HDAC9: variants seen among roughly 807,000 people sequenced by gnomAD.
The protein encoded by HDAC9 is MEF-2 interacting transcription repressor (MITR) protein.
In HDAC9, 41 loss-of-function variants were observed where a neutral mutation model predicts 139.4. That is an observed-to-expected ratio of 0.29 (90% CI 0.23 to 0.38). The LOEUF is 0.38. Among genes scored for constraint, HDAC9 ranks in the 10% least tolerant of loss-of-function variants. The probability of loss-of-function intolerance (pLI) is 1.00; values close to 1 mark genes in which losing one functional copy is unlikely to be tolerated. For missense variants in HDAC9, 1,147 were observed against 1,297.0 expected (o/e 0.88, Z 1.78); for synonymous variants, 517 against 476.2 (o/e 1.09, Z -1.12).
intron 24 of HDAC9, among the ~76,000 whole-genome samples, chr7:18,968,964 A>AAAAAAAG: frequency 6.9e-6 from 1 of 145,838 alleles, no homozygotes; most frequent in Non-Finnish European, 1.5e-5. Flanking sequence ...CTCTCAAAAA[A>AAAAAAAG]AAAAAAAAAA....
intron 11 of HDAC9, among the ~76,000 whole-genome samples, chr7:18,655,017 TCTC>T (rs1437466521): frequency 9.9e-5 from 15 of 152,170 alleles, no homozygotes; most frequent in African/African-American, 3.1e-4. Flanking sequence ...ACAAACATCT[TCTC>T]ACGGAAGTTC....
chr7:18,435,669 G>T (rs1791128247), intron 1 of HDAC9, among the ~76,000 whole-genome samples: 1 of 151,060 alleles, frequency 6.6e-6, no homozygotes, highest in South Asian at 2.1e-4. Flanking sequence ...TGGGGGTTTG[G>T]TGTACAGATT....
At position 18,138,729 on chromosome 7, in the gene HDAC9, G is replaced by C. The variant is rs1274002906; in HGVS notation, c.-96-23500G>C. On this transcript the variant is annotated intron_variant, in intron 1 of 12. Coordinates refer to the HDAC9 transcript ENST00000417496. Reference sequence around the variant, plus strand: ...TCTATTTCATTAAGAATCTAGGTTGGCAGGGAAATGCCCAGGGACATCGCT... The same window carrying C: ...TCTATTTCATTAAGAATCTAGGTTGCCAGGGAAATGCCCAGGGACATCGCT... Among the ~76,000 whole-genome samples the C allele has an allele frequency of 1.3e-5, 2 of 152,026 alleles. 1 individual carries two copies. Among genetic ancestry groups the C allele is most frequent in the African/African-American group, 4.8e-5 (2 of 41,384 alleles).
intron 14 of HDAC9, 95 bp from the exon 15 acceptor site, chr7:18,762,062 A>C: frequency 7.7e-7 from 1 of 1,291,570 alleles, no homozygotes; most frequent in Non-Finnish European, 1.1e-6. Context: ...GATGAAATTC[A>C]GCCCATTATT....
chr7:18,192,429 T>G (rs1468512700), intron 2 of HDAC9, among the ~76,000 whole-genome samples: 1 of 152,164 alleles, frequency 6.6e-6, no homozygotes, highest in African/African-American at 2.4e-5. Flanking sequence ...AAACCTCTTG[T>G]GCTCACTTAC....
Position 18,644,673 on chromosome 7 carries a change from A to C in HDAC9, c.915A>C (p.Gln305His), listed in dbSNP as rs770898693. Reference protein sequence around the residue: ...SVLPPTPHAEQMVSQQRILIH... With the variant: ...SVLPPTPHAEHMVSQQRILIH... ...AGACTCTCCTCTTTTTTTAACAGCAAATGGTTTCACAGCAACGCATTCTAA... is the reference window on the plus strand; with the variant it reads ...AGACTCTCCTCTTTTTTTAACAGCACATGGTTTCACAGCAACGCATTCTAA... Residue 305 changes from glutamine (Q) to histidine (H), a missense_variant and splice_region_variant, in exon 9 of 26, where the codon CAA becomes CAC. This residue lies in a region of HDAC9 where 264 missense variants were observed against 273.8 expected (regional missense o/e 0.96). Coordinates refer to ENST00000686413, the MANE Select transcript of HDAC9 (RefSeq NM_178425.4). The C allele has an allele frequency of 1.9e-6, 3 of 1,607,948 alleles. No homozygotes were observed. Among genetic ancestry groups the C allele is most frequent in the East Asian group, 2.2e-5 (1 of 44,580 alleles).
At chr7:18,106,674 G>A (rs1191044062) in intron 1 of HDAC9, among the ~76,000 whole-genome samples, 2 of 152,112 alleles carry the variant, frequency 1.3e-5, no homozygotes, top group Non-Finnish European at 2.9e-5. Context: ...GGCTGGTCTT[G>A]AACTCCTAAC....
At chr7:18,541,851 A>T (rs1813074770) in intron 2 of HDAC9, among the ~76,000 whole-genome samples, 1 of 152,228 alleles carries the variant, frequency 6.6e-6, no homozygotes, top group Non-Finnish European at 1.5e-5. Context: ...GTAATCCTTT[A>T]TGGTAAATCT....
Position 18,670,040 on chromosome 7 carries a change from ATAGAG to A in HDAC9, c.1731+3567_1731+3571del, listed in dbSNP as rs1795574768. 1.3e-5 allele frequency among the ~76,000 whole-genome samples: 2 copies of A among 151,904 alleles called. 1 individual carries two copies. Among genetic ancestry groups the A allele is most frequent in the Non-Finnish European group, 2.9e-5 (2 of 67,894 alleles). Reference sequence around the variant, plus strand: ...CCTAGTACTTAACAGATAGATATATATAGAGTATTGTTTTTAATTTGGTGTTTCAT... The same window carrying A: ...CCTAGTACTTAACAGATAGATATATATATTGTTTTTAATTTGGTGTTTCAT... On this transcript the variant is annotated intron_variant, in intron 12 of 25. Coordinates refer to ENST00000686413, the MANE Select transcript of HDAC9 (RefSeq NM_178425.4).
intron 17 of HDAC9, among the ~76,000 whole-genome samples, chr7:18,815,362 A>AT (rs144165516): frequency 0.057 from 8,750 of 152,196 alleles, 872 homozygotes; most frequent in African/African-American, 0.2. Context: ...CCACTGCTTG[A>AT]AAACTAAACA....
intron 2 of HDAC9, among the ~76,000 whole-genome samples, chr7:18,528,842 T>C (rs1202059339): frequency 6.6e-6 from 1 of 152,192 alleles, no homozygotes; most frequent in Non-Finnish European, 1.5e-5. Flanking sequence ...CTCTTCTTTC[T>C]AACTTTAACA....
At chr7:18,987,279 G>T (rs1785443470) in intron 25 of HDAC9, among the ~76,000 whole-genome samples, 1 of 152,208 alleles carries the variant, frequency 6.6e-6, no homozygotes, top group South Asian at 2.1e-4. Flanking sequence ...TAGCATGAAG[G>T]TTGTTGAATT....
intron 2 of HDAC9, chr7:18,505,819 C>A (rs980998159): frequency 2.0e-5 from 3 of 152,178 alleles, no homozygotes; most frequent in African/African-American, 7.2e-5. Flanking sequence ...TAATTTATTG[C>A]CTTCCTAGGG....
chr7:18,277,803 T>C (rs1259797428), intron 2 of HDAC9, among the ~76,000 whole-genome samples: 3 of 152,230 alleles, frequency 2.0e-5, no homozygotes, highest in Non-Finnish European at 2.9e-5. Flanking sequence ...AATTTACTAA[T>C]TAATAGGAAA....
intron 2 of HDAC9, among the ~76,000 whole-genome samples, chr7:18,582,502 T>G (rs1262720297): frequency 6.6e-6 from 1 of 151,774 alleles, no homozygotes; most frequent in African/African-American, 2.4e-5. Context: ...TTTGACTACA[T>G]TGCTTATATA....
intron 1 of HDAC9, among the ~76,000 whole-genome samples, chr7:18,444,856 A>T (rs898204467): frequency 6.6e-6 from 1 of 152,222 alleles, no homozygotes. Context: ...TACCATTACC[A>T]TCAAGCTATT....
chr7:18,768,204 G>T (rs1202963854), intron 16 of HDAC9, among the ~76,000 whole-genome samples: 1 of 152,166 alleles, frequency 6.6e-6, no homozygotes, highest in Non-Finnish European at 1.5e-5. Context: ...AAATGAGAAA[G>T]TGAAGGCTGG....
chr7:18,365,935 T>C (rs1006797415), intron 1 of HDAC9, among the ~76,000 whole-genome samples: 6 of 147,356 alleles, frequency 4.1e-5, no homozygotes, highest in African/African-American at 1.5e-4. Flanking sequence ...TTTTATCCTT[T>C]AGTGTTGTTT....
At chr7:18,747,609 G>T (rs1429743190) in intron 13 of HDAC9, among the ~76,000 whole-genome samples, 1 of 152,174 alleles carries the variant, frequency 6.6e-6, no homozygotes, top group Non-Finnish European at 1.5e-5. Flanking sequence ...GATTTTGGAT[G>T]GATCATTCAA....
Sources: allele counts gnomAD v4.1 joint callset (sites outside exome capture counted in the v4.1 genomes callset), GRCh38; gene constraint gnomAD v4.1.1; regional missense constraint gnomAD v4.1.1; transcripts MANE v1.5; gene names NCBI Gene and HGNC (gene_info 2026-07-23, HGNC 2026-07-21).